CDH18: variants seen among roughly 807,000 people sequenced by gnomAD.
CDH18 encodes the protein cadherin 18.
In CDH18, 31 loss-of-function variants were observed where a neutral mutation model predicts 67.9. The ratio of observed to expected loss-of-function variants is 0.46; its 90% CI spans 0.34 to 0.62. The LOEUF is 0.62. Ranked by LOEUF, CDH18 falls within the 20% of genes least tolerant of loss-of-function variation. CDH18 has a pLI of 0.01. For synonymous variants in CDH18, 362 were observed against 347.2 expected (o/e 1.04, Z -0.48); for missense variants, 890 against 975.5 (o/e 0.91, Z 1.17).
At chr5:20,178,286 C>T (rs1266251777) in intron 2 of CDH18, among the ~76,000 whole-genome samples, 3 of 151,960 alleles carry the variant, frequency 2.0e-5, no homozygotes, top group Admixed American at 6.6e-5. Context: ...TTCTCAGCCT[C>T]GACAATCACA....
chr5:20,258,676 C>T (rs2084021806), intron 1 of CDH18, among the ~76,000 whole-genome samples: 1 of 151,518 alleles, frequency 6.6e-6, no homozygotes, highest in South Asian at 2.1e-4. Flanking sequence ...AATTCAATGC[C>T]CAATTCTTAC....
intron 2 of CDH18, among the ~76,000 whole-genome samples, chr5:20,099,484 A>AT (rs1447931705): frequency 2.0e-5 from 3 of 152,066 alleles, no homozygotes; most frequent in African/African-American, 7.2e-5. Context: ...TTAAACATTC[A>AT]TTTTTTTCAG....
At chr5:19,895,786 A>G (rs1174674669) in intron 2 of CDH18, among the ~76,000 whole-genome samples, 1 of 152,182 alleles carries the variant, frequency 6.6e-6, no homozygotes, top group Admixed American at 6.5e-5. Flanking sequence ...GACTTTACTT[A>G]TATAACATGA....
chr5:20,285,637 A>G (rs1027347023), intron 1 of CDH18, among the ~76,000 whole-genome samples: 7 of 151,474 alleles, frequency 4.6e-5, no homozygotes, highest in African/African-American at 1.7e-4. Context: ...TGAATACTCA[A>G]TTTGCCCCCT....
chr5:19,721,048 C>A (rs1010145949), intron 5 of CDH18, among the ~76,000 whole-genome samples: 1 of 152,022 alleles, frequency 6.6e-6, no homozygotes, highest in Non-Finnish European at 1.5e-5. Context: ...TTGTAATATG[C>A]CATATTTGTT....
chr5:20,384,151 T>C lies in CDH18; in HGVS notation c.-579-128646A>G, dbSNP rs548096671. Among the ~76,000 whole-genome samples the C allele has an allele frequency of 5.3e-5, 8 of 152,254 alleles. No individual in the cohort carries two copies. In the East Asian group the frequency reaches 1.2e-3, roughly 22 times the overall value. Reference sequence around the variant, plus strand: ...TGAGATCTACCTACTGTAATAACAATACAGTATTCTCAACCATAGGCAAAA... The same window carrying C: ...TGAGATCTACCTACTGTAATAACAACACAGTATTCTCAACCATAGGCAAAA... On this transcript the variant is annotated intron_variant, in intron 1 of 14. Transcript: ENST00000507958.
At chr5:20,309,037 G>A (rs1340450574) in intron 1 of CDH18, among the ~76,000 whole-genome samples, 1 of 152,212 alleles carries the variant, frequency 6.6e-6, no homozygotes, top group Non-Finnish European at 1.5e-5. Flanking sequence ...ACCAAATAGT[G>A]TAGAATACTG....
At chr5:20,288,812 A>G (rs1457162720) in intron 1 of CDH18, among the ~76,000 whole-genome samples, 1 of 151,940 alleles carries the variant, frequency 6.6e-6, no homozygotes, top group Non-Finnish European at 1.5e-5. Flanking sequence ...AATAGTACAG[A>G]TTGTATTTCA....
rs138196140 is a variant in CDH18 at position 19,548,634 on chromosome 5, A to G, written c.1254-4629T>C. 5.5e-3 allele frequency among the ~76,000 whole-genome samples: 830 copies of G among 152,220 alleles called. 3 individuals are homozygous for G. The highest frequency in any genetic ancestry group is 0.017 in the Middle Eastern group (5 of 294). On this transcript the variant is annotated intron_variant, in intron 8 of 12. Transcript: ENST00000382275. ...GCTGCATGAGGTAAGTACTATTACTAGCTCCCTTTTGCAAATGAAGAAACG... is the reference window on the plus strand; with the variant it reads ...GCTGCATGAGGTAAGTACTATTACTGGCTCCCTTTTGCAAATGAAGAAACG...
intron 5 of CDH18, among the ~76,000 whole-genome samples, chr5:19,631,621 A>G (rs1162184135): frequency 9.9e-5 from 15 of 151,928 alleles, no homozygotes. Flanking sequence ...AAGTCTGTTA[A>G]AAATCCTAAA....
chr5:20,521,828 C>A (rs887799063), intron 1 of CDH18, among the ~76,000 whole-genome samples: 1 of 151,422 alleles, frequency 6.6e-6, no homozygotes, highest in Non-Finnish European at 1.5e-5. Flanking sequence ...CACACACGTG[C>A]ATACATTTGT....
intron 2 of CDH18, among the ~76,000 whole-genome samples, chr5:19,955,991 A>T (rs1299700955): frequency 6.6e-6 from 1 of 152,066 alleles, no homozygotes; most frequent in African/African-American, 2.4e-5. Context: ...AGTTTCCCCC[A>T]AAGTATCAAA....
At chr5:20,124,542 A>C (rs1308811359) in intron 2 of CDH18, among the ~76,000 whole-genome samples, 1 of 152,178 alleles carries the variant, frequency 6.6e-6, no homozygotes, top group Non-Finnish European at 1.5e-5. Flanking sequence ...TCTTTTAATG[A>C]CCAGAAATAC....
rs1451346803 is a variant in CDH18, at chr5:20,299,447, CACAA to C, written c.-579-43946_-579-43943del. Reference sequence around the variant, plus strand: ...ACACACACACACACACACACACACACACAAAATGAGTCATTCCAGCAGGTTTCTT... The same window carrying C: ...ACACACACACACACACACACACACACAATGAGTCATTCCAGCAGGTTTCTT... On this transcript the variant is annotated intron_variant, in intron 1 of 14. Coordinates refer to the CDH18 transcript ENST00000507958. 1.0e-4 allele frequency among the ~76,000 whole-genome samples: 12 copies of C among 115,710 alleles called. No homozygotes were observed. The East Asian group carries it at 1.7e-3, about 17-fold the overall frequency. The allele number at this position is 115,710 out of a possible 152,430, so 75.9% of individuals were successfully genotyped here.
At chr5:19,954,646 C>T (rs1361869623) in intron 2 of CDH18, among the ~76,000 whole-genome samples, 1 of 151,856 alleles carries the variant, frequency 6.6e-6, no homozygotes, top group South Asian at 2.1e-4. Context: ...GATAACCAAT[C>T]TGAATAGGTG....
chr5:20,095,929 A>C (rs1397278520), intron 2 of CDH18, among the ~76,000 whole-genome samples: 3 of 152,102 alleles, frequency 2.0e-5, no homozygotes, highest in African/African-American at 7.2e-5. Context: ...GAAGAGAGGA[A>C]GGCTGAACTG....
chr5:19,898,546 T>TA (rs556153988), intron 2 of CDH18, among the ~76,000 whole-genome samples: 206 of 151,756 alleles, frequency 1.4e-3, no homozygotes, highest in African/African-American at 4.8e-3. Context: ...TAGTTTTTTT[T>TA]AAAAAAAGGG....
At chr5:20,223,286 C>T (rs375177363) in intron 2 of CDH18, among the ~76,000 whole-genome samples, 32 of 152,192 alleles carry the variant, frequency 2.1e-4, no homozygotes, top group South Asian at 1.7e-3. Flanking sequence ...TACTTGATTT[C>T]GGAGTTACAT....
intron 2 of CDH18, among the ~76,000 whole-genome samples, chr5:20,074,413 T>C (rs1743749555): frequency 6.6e-6 from 1 of 152,150 alleles, no homozygotes; most frequent in Admixed American, 6.5e-5. Context: ...ATAATGTGTA[T>C]AGATTTGCAA....
Sources: gnomAD v4.1 joint callset for allele counts (sites outside exome capture counted in the v4.1 genomes callset) on GRCh38, gnomAD v4.1.1 for gene constraint, MANE v1.5 for transcripts, NCBI Gene and HGNC (gene_info 2026-07-23, HGNC 2026-07-21) for gene names.